MGA: variants seen among roughly 807,000 people sequenced by gnomAD.
MGA encodes MAX gene-associated protein.
MGA carries 40 observed loss-of-function variants against 261.1 expected under a neutral mutation model. The observed-to-expected ratio is 0.15, with a 90% CI of 0.12 to 0.20. The LOEUF (loss-of-function observed/expected upper bound fraction) is 0.20, where lower values mean the gene tolerates loss of function less well. Among genes scored for constraint, MGA ranks in the 10% least tolerant of loss-of-function variants. The pLI, the probability that MGA is intolerant of heterozygous loss-of-function variation, is 1.00. For synonymous variants in MGA, 1,302 were observed against 1,290.6 expected, an observed-to-expected ratio of 1.01 and a Z score of -0.19; for missense variants, 3,397 against 3,630.5, an observed-to-expected ratio of 0.94 and a Z score of 1.65.
chr15:41,681,983 T>A (rs1038655478), intron 2 of MGA, among the ~76,000 whole-genome samples: 1 of 152,178 alleles, frequency 6.6e-6, no homozygotes. Flanking sequence ...AATGGTGCGA[T>A]CTCGGCTTAC....
intron 1 of MGA, among the ~76,000 whole-genome samples, chr15:41,641,723 C>T (rs1430502140): frequency 6.6e-6 from 1 of 151,812 alleles, no homozygotes; most frequent in Non-Finnish European, 1.5e-5. Context: ...CTCTTGACCT[C>T]GTGATCTGCC....
At chr15:41,644,799 G>A (rs7164234) in intron 1 of MGA, among the ~76,000 whole-genome samples, 78 of 152,304 alleles carry the variant, frequency 5.1e-4, no homozygotes, top group African/African-American at 1.8e-3. Context: ...GAAAGACCTA[G>A]AAAAGTTAAC....
intron 2 of MGA, among the ~76,000 whole-genome samples, chr15:41,680,816 G>C (rs2058629355): frequency 6.6e-6 from 1 of 152,118 alleles, no homozygotes; most frequent in African/African-American, 2.4e-5. Flanking sequence ...AATTTTGGGG[G>C]TTCATTACAT....
intron 2 of MGA, among the ~76,000 whole-genome samples, chr15:41,691,905 T>G (rs1341529885): frequency 1.3e-5 from 2 of 152,158 alleles, no homozygotes; most frequent in East Asian, 3.9e-4. Flanking sequence ...ATATGACTTT[T>G]TTTTTTTCCT....
chr15:41,656,375 TCTCACA>T (rs2057191215), upstream of MGA, among the ~76,000 whole-genome samples: 1 of 51,778 alleles, frequency 1.9e-5, no homozygotes, highest in Non-Finnish European at 8.1e-5. Context: ...TCTCTCTCTC[TCTCACA>T]CCCAGGCTGG....
In MGA at chr15:41,711,487, G is replaced by T. The variant is rs907648926; in HGVS notation, c.3084+138G>T. On this transcript the variant is annotated intron_variant, in intron 8 of 23. Transcript: ENST00000219905. ...ATTTAGAACCTTCATGGGAACTAAG[G>T]CTATGTCTTCCCCATTTGTTCTTTA... 10 of 841,124 alleles carry T rather than the reference G, an allele frequency of 1.2e-5. No homozygotes were observed. The African/African-American group carries it at 1.5e-4, about 13-fold the overall frequency. 52.1% of individuals were successfully genotyped at this position (841,124 alleles called of 1,614,324 possible).
intron 17 of MGA, among the ~76,000 whole-genome samples, chr15:41,754,210 C>T (rs537877670): frequency 1.1e-4 from 17 of 152,264 alleles, no homozygotes; most frequent in Admixed American, 2.6e-4. Context: ...TGAGCCACCA[C>T]GGCTCACATA....
intron 8 of MGA, 146 bp from the exon 9 acceptor site, chr15:41,713,005 T>C (rs1447198780): frequency 1.6e-6 from 2 of 1,213,434 alleles, no homozygotes; most frequent in Admixed American, 5.0e-5. Flanking sequence ...CCTGGTTAGA[T>C]TCATGTTCTG....
chr15:41,690,439 A>G (rs1483979936), intron 2 of MGA, among the ~76,000 whole-genome samples: 2 of 152,214 alleles, frequency 1.3e-5, no homozygotes, highest in African/African-American at 4.8e-5. Flanking sequence ...TGAAAAGACC[A>G]TTCTTTCCTC....
At chr15:41,626,916 C>A (rs756044107) in intron 1 of MGA, among the ~76,000 whole-genome samples, 6 of 151,782 alleles carry the variant, frequency 4.0e-5, no homozygotes, top group Admixed American at 3.9e-4. Context: ...CAGGCTGGAG[C>A]GCAAATGGCA....
At position 41,699,122 on chromosome 15, in the gene MGA, G is replaced by A; in HGVS notation, c.2151G>A (p.Leu717=). The A allele has an allele frequency of 6.2e-7, 1 of 1,612,002 alleles. No homozygotes were observed. ...AATTGATAGAAGATTTGAAGACTTT[G>A]CGGCACAAGCAGGTGATACATCCTG... Residue 717 remains leucine (L), a synonymous_variant, in exon 5 of 24, where the codon TTG becomes TTA. Coordinates refer to ENST00000219905, the MANE Select transcript of MGA (RefSeq NM_001164273.2).
chr15:41,753,468 C>A (rs2062969142), intron 17 of MGA, among the ~76,000 whole-genome samples: 1 of 151,604 alleles, frequency 6.6e-6, no homozygotes, highest in African/African-American at 2.4e-5. Flanking sequence ...TCCTATATAT[C>A]CACATAACTC....
intron 9 of MGA, among the ~76,000 whole-genome samples, chr15:41,715,211 A>G (rs1761578023): frequency 6.9e-6 from 1 of 145,330 alleles, no homozygotes; most frequent in African/African-American, 2.5e-5. Flanking sequence ...GTGCAGTGGC[A>G]CGATCTCGGC....
At chr15:41,703,040 A>G (rs1250479437) in intron 5 of MGA, among the ~76,000 whole-genome samples, 4 of 152,100 alleles carry the variant, frequency 2.6e-5, no homozygotes, top group Non-Finnish European at 5.9e-5. Flanking sequence ...ACCAGTACTG[A>G]TATATTACTA....
intron 1 of MGA, among the ~76,000 whole-genome samples, chr15:41,640,310 C>T (rs116540647): frequency 0.014 from 2,132 of 152,148 alleles, 59 homozygotes; most frequent in African/African-American, 0.049. Context: ...AGTATTGAGG[C>T]CCTTATATGC....
chr15:41,762,767 C>T (rs1167829031), intron 22 of MGA, among the ~76,000 whole-genome samples: 1 of 151,914 alleles, frequency 6.6e-6, no homozygotes, highest in Non-Finnish European at 1.5e-5. Flanking sequence ...CCACACCCAG[C>T]CCACAGTTTT....
chr15:41,745,119 G>A (rs186479163), intron 15 of MGA, among the ~76,000 whole-genome samples: 164 of 151,668 alleles, frequency 1.1e-3, no homozygotes, highest in Admixed American at 5.0e-3. Context: ...CCTCATGATC[G>A]GCCTGCCTTG....
chr15:41,712,842 A>G (rs967621167), intron 8 of MGA, among the ~76,000 whole-genome samples: 20 of 152,296 alleles, frequency 1.3e-4, no homozygotes, highest in African/African-American at 4.6e-4. Flanking sequence ...GTGAAACTTT[A>G]TGACACAGGC....
intron 15 of MGA, among the ~76,000 whole-genome samples, chr15:41,745,118 C>A (rs1025742595): frequency 9.2e-5 from 14 of 151,914 alleles, no homozygotes; most frequent in African/African-American, 3.4e-4. Flanking sequence ...ACCTCATGAT[C>A]GGCCTGCCTT....
Sources: gnomAD v4.1 joint callset for allele counts (sites outside exome capture counted in the v4.1 genomes callset) on GRCh38, gnomAD v4.1.1 for gene constraint, MANE v1.5 for transcripts, NCBI Gene and HGNC (gene_info 2026-07-23, HGNC 2026-07-21) for gene names.